Variants in BAZ2B observed in about 807,000 individuals in gnomAD.
BAZ2B encodes the protein bromodomain adjacent to zinc finger domain protein 2B.
A neutral mutation model predicts 246.0 loss-of-function variants in BAZ2B; 91 were observed. The ratio of observed to expected loss-of-function variants is 0.37; its 90% CI spans 0.31 to 0.44. The LOEUF is 0.44. BAZ2B is among the 20% of genes least tolerant of loss of function. The pLI is 1.00. For synonymous variants in BAZ2B, 855 were observed against 860.0 expected (o/e 0.99, Z 0.10); for missense variants, 2,332 against 2,533.7 (o/e 0.92, Z 1.71).
chr2:159,604,948 G>GTA (rs1428345758), intron 1 of BAZ2B, among the ~76,000 whole-genome samples: 33 of 132,766 alleles, frequency 2.5e-4, no homozygotes, highest in Non-Finnish European at 4.7e-4. Context: ...GTGTGTGTGT[G>GTA]TGTGCGCGTG....
chr2:159,591,398 T>G (rs970351093), intron 1 of BAZ2B, among the ~76,000 whole-genome samples: 6 of 152,316 alleles, frequency 3.9e-5, no homozygotes, highest in African/African-American at 1.4e-4. Context: ...AGTTGCTGGG[T>G]TTCTTGCCAG....
At chr2:159,495,312 C>T (rs536900709) in intron 2 of BAZ2B, among the ~76,000 whole-genome samples, 12 of 149,956 alleles carry the variant, frequency 8.0e-5, no homozygotes, top group African/African-American at 2.7e-4. Context: ...GGTGAAACCC[C>T]GTCTCTACTA....
At chr2:159,695,728 C>T in the BAZ2B span, among the ~76,000 whole-genome samples, 2 of 151,924 alleles carry the variant, frequency 1.3e-5, no homozygotes, top group Admixed American at 1.3e-4. Context: ...AGTTCTATTC[C>T]ATTGATCTAT....
chr2:159,436,153 CT>C (rs2072250106), intron 8 of BAZ2B, among the ~76,000 whole-genome samples: 1 of 151,980 alleles, frequency 6.6e-6, no homozygotes, highest in African/African-American at 2.4e-5. Context: ...ATTTTGTAAT[CT>C]TTTTTTATAG....
intron 27 of BAZ2B, among the ~76,000 whole-genome samples, chr2:159,353,013 A>G (rs1341876796): frequency 1.3e-5 from 2 of 152,232 alleles, no homozygotes; most frequent in Non-Finnish European, 2.9e-5. Context: ...ATATTCCTTG[A>G]TAACGAAATA....
intron 2 of BAZ2B, among the ~76,000 whole-genome samples, chr2:159,523,628 C>T (rs1159813449): frequency 3.3e-5 from 5 of 151,346 alleles, no homozygotes; most frequent in Admixed American, 2.0e-4. Context: ...TGGTTGAACC[C>T]GGGAGGCAGA....
At chr2:159,534,535 A>G (rs1375454392) in intron 2 of BAZ2B, among the ~76,000 whole-genome samples, 1 of 152,236 alleles carries the variant, frequency 6.6e-6, no homozygotes, top group African/African-American at 2.4e-5. Flanking sequence ...TTATGGGACA[A>G]CTGTCATATA....
chr2:159,653,000 C>T, the BAZ2B span, among the ~76,000 whole-genome samples: 3 of 150,922 alleles, frequency 2.0e-5, no homozygotes, highest in African/African-American at 7.3e-5. Context: ...TGCAGGGGTG[C>T]CATCTCAACT....
At chr2:159,642,377 A>G in the BAZ2B span, among the ~76,000 whole-genome samples, 1 of 151,472 alleles carries the variant, frequency 6.6e-6, no homozygotes, top group African/African-American at 2.4e-5. Flanking sequence ...AGCTGGGATT[A>G]TAGGTGCCAG....
At chr2:159,679,287 A>AAAAAAAAAAAAC in the BAZ2B span, among the ~76,000 whole-genome samples, 1 of 139,910 alleles carries the variant, frequency 7.1e-6, no homozygotes. Flanking sequence ...AAAAAAAAAA[A>AAAAAAAAAAAAC]AAAAAAAGAT....
At chr2:159,370,776 C>T (rs1485274882) in intron 27 of BAZ2B, among the ~76,000 whole-genome samples, 3 of 152,116 alleles carry the variant, frequency 2.0e-5, no homozygotes, top group Non-Finnish European at 2.9e-5. Context: ...CTATTGACTG[C>T]TCTAATTCAT....
chr2:159,505,509 T>G (rs1318308843), intron 2 of BAZ2B, among the ~76,000 whole-genome samples: 1 of 152,190 alleles, frequency 6.6e-6, no homozygotes, highest in East Asian at 1.9e-4. Context: ...ATTGCCAGAT[T>G]ATGTCAATTT....
At chr2:159,638,706 A>G in the BAZ2B span, among the ~76,000 whole-genome samples, 11 of 137,598 alleles carry the variant, frequency 8.0e-5, no homozygotes, top group South Asian at 2.9e-3. Flanking sequence ...AAGTCAGAGG[A>G]GACAAAAGAA....
At chr2:159,663,622 C>T in the BAZ2B span, among the ~76,000 whole-genome samples, 13 of 151,692 alleles carry the variant, frequency 8.6e-5, no homozygotes, top group Middle Eastern at 3.4e-3. Context: ...TGGGTTCAAG[C>T]GATTCTCCTG....
At chr2:159,382,217 C>T (rs10929941) in intron 25 of BAZ2B, among the ~76,000 whole-genome samples, 49,233 of 151,994 alleles carry the variant, frequency 0.32, 10,005 homozygotes, top group Non-Finnish European at 0.47. Context: ...AGGCATGAAG[C>T]GCTGTACAAA....
At chr2:159,539,018 G>A (rs996957379) in intron 2 of BAZ2B, among the ~76,000 whole-genome samples, 1 of 152,160 alleles carries the variant, frequency 6.6e-6, no homozygotes, top group Admixed American at 6.5e-5. Context: ...CAGCATCACT[G>A]TTCAAATAGT....
intron 3 of BAZ2B, among the ~76,000 whole-genome samples, chr2:159,475,808 C>T: frequency 6.6e-6 from 1 of 152,162 alleles, no homozygotes; most frequent in Non-Finnish European, 1.5e-5. Flanking sequence ...TAACAGGCCT[C>T]TCTGCTACAG....
intron 2 of BAZ2B, among the ~76,000 whole-genome samples, chr2:159,543,846 A>T (rs1217173280): frequency 1.3e-5 from 2 of 152,194 alleles, no homozygotes; most frequent in African/African-American, 4.8e-5. Context: ...CAATTCTTTC[A>T]TATCAAACAC....
chr2:159,326,026 C>A, intron 34 of BAZ2B, 108 bp from the exon 35 acceptor site: 1 of 945,512 alleles, frequency 1.1e-6, no homozygotes, highest in Non-Finnish European at 1.5e-6. Flanking sequence ...AAGAATAACT[C>A]TGATCTAGAA....
Sources: gnomAD v4.1 joint callset for allele counts (sites outside exome capture counted in the v4.1 genomes callset) on GRCh38, gnomAD v4.1.1 for gene constraint, MANE v1.5 for transcripts, NCBI Gene and HGNC (gene_info 2026-07-23, HGNC 2026-07-21) for gene names.